Variants in ALK observed in about 807,000 individuals in gnomAD.
ALK encodes the protein ALK receptor tyrosine kinase.
A neutral mutation model predicts 163.1 loss-of-function variants in ALK; 74 were observed. The ratio of observed to expected loss-of-function variants is 0.45; its 90% CI spans 0.38 to 0.55. The LOEUF (loss-of-function observed/expected upper bound fraction) is 0.55, where lower values mean the gene tolerates loss of function less well. ALK is among the 20% of genes least tolerant of loss of function. ALK has a pLI of 0.00. For missense variants in ALK, 2,063 were observed against 2,105.3 expected (o/e 0.98, Z 0.39); for synonymous variants, 960 against 843.2 (o/e 1.14, Z -2.40).
At chr2:29,350,816 C>T (rs1211342541) in intron 5 of ALK, among the ~76,000 whole-genome samples, 1 of 152,168 alleles carries the variant, frequency 6.6e-6, no homozygotes, top group Non-Finnish European at 1.5e-5. Context: ...GCAACTTGTC[C>T]AAGGTTGCAG....
At chr2:29,837,570 C>T (rs927240176) in intron 1 of ALK, among the ~76,000 whole-genome samples, 1 of 152,124 alleles carries the variant, frequency 6.6e-6, no homozygotes, top group Non-Finnish European at 1.5e-5. Context: ...GGAGAATCCT[C>T]GATAAATTCA....
At chr2:29,798,086 G>T (rs1664368654) in intron 1 of ALK, among the ~76,000 whole-genome samples, 1 of 152,150 alleles carries the variant, frequency 6.6e-6, no homozygotes, top group Non-Finnish European at 1.5e-5. Flanking sequence ...ATCCCAGAGG[G>T]CAAAGCCTAG....
chr2:29,287,838 TGAATGATCAGGTGGAAGGCCACCCA>T (rs1665900652), intron 9 of ALK, among the ~76,000 whole-genome samples: 1 of 151,952 alleles, frequency 6.6e-6, no homozygotes, highest in African/African-American at 2.4e-5. Context: ...CCTGGATCCC[TGAATGATCAGGTGGAAGGCCACCCA>T]CCAACCAGCA....
At chr2:29,339,852 A>T (rs1478513773) in intron 5 of ALK, among the ~76,000 whole-genome samples, 1 of 152,196 alleles carries the variant, frequency 6.6e-6, no homozygotes, top group African/African-American at 2.4e-5. Context: ...CAACTTCCAA[A>T]TCCTAGGACA....
At chr2:29,290,542 G>A (rs899079579) in intron 9 of ALK, among the ~76,000 whole-genome samples, 3 of 152,172 alleles carry the variant, frequency 2.0e-5, no homozygotes, top group African/African-American at 7.2e-5. Flanking sequence ...AGATGTGGGG[G>A]GCACCCCTGG....
At chr2:29,909,365 A>G (rs1022335666) in intron 1 of ALK, among the ~76,000 whole-genome samples, 19 of 152,166 alleles carry the variant, frequency 1.2e-4, no homozygotes, top group African/African-American at 4.6e-4. Flanking sequence ...GGCCTCAGTG[A>G]CTTGAGGTCA....
intron 3 of ALK, among the ~76,000 whole-genome samples, chr2:29,541,981 C>T (rs1382298642): frequency 6.6e-6 from 1 of 152,198 alleles, no homozygotes; most frequent in Non-Finnish European, 1.5e-5. Context: ...TTTGGCCATA[C>T]TCCAAGTCCC....
chr2:29,523,058 A>G (rs1672855934), intron 4 of ALK, among the ~76,000 whole-genome samples: 1 of 152,088 alleles, frequency 6.6e-6, no homozygotes, highest in Non-Finnish European at 1.5e-5. Flanking sequence ...TTCTTGCTAC[A>G]TAAGCCAGTG....
chr2:29,910,245 C>A (rs1299078163), intron 1 of ALK, among the ~76,000 whole-genome samples: 1 of 151,930 alleles, frequency 6.6e-6, no homozygotes, highest in East Asian at 1.9e-4. Context: ...ATTACATGGG[C>A]TGGTTTATTA....
intron 1 of ALK, among the ~76,000 whole-genome samples, chr2:29,789,783 C>G (rs1353039316): frequency 2.0e-5 from 3 of 152,108 alleles, no homozygotes; most frequent in Non-Finnish European, 4.4e-5. Context: ...CCAGAGACTG[C>G]GATTACATTG....
intron 9 of ALK, among the ~76,000 whole-genome samples, chr2:29,287,199 A>G (rs13027048): frequency 0.12 from 17,557 of 152,244 alleles, 1,091 homozygotes; most frequent in African/African-American, 0.16. Context: ...TACTAAATTC[A>G]GAGGAGTCTT....
At chr2:29,389,569 G>A (rs1244127629) in intron 4 of ALK, among the ~76,000 whole-genome samples, 1 of 152,144 alleles carries the variant, frequency 6.6e-6, no homozygotes, top group Non-Finnish European at 1.5e-5. Context: ...TTCATCACAT[G>A]TCTCCAATGC....
At chr2:29,557,022 TAAAG>T (rs1673880800) in intron 3 of ALK, among the ~76,000 whole-genome samples, 1 of 152,226 alleles carries the variant, frequency 6.6e-6, no homozygotes, top group African/African-American at 2.4e-5. Context: ...CAATGTTTCT[TAAAG>T]AAAGTGGTCT....
chr2:29,318,052 G>C (rs866835372), intron 8 of ALK, among the ~76,000 whole-genome samples: 10 of 152,338 alleles, frequency 6.6e-5, no homozygotes, highest in South Asian at 2.1e-4. Flanking sequence ...TTCTGGGTTT[G>C]ATTAAATCAT....
At chr2:29,683,447 C>A (rs1296179839) in intron 3 of ALK, among the ~76,000 whole-genome samples, 1 of 151,902 alleles carries the variant, frequency 6.6e-6, no homozygotes, top group African/African-American at 2.4e-5. Context: ...GTAAGGATCC[C>A]AAAGCAAGAT....
chr2:29,215,561 C>A (rs575138616), intron 23 of ALK, among the ~76,000 whole-genome samples: 1 of 152,152 alleles, frequency 6.6e-6, no homozygotes, highest in Non-Finnish European at 1.5e-5. Context: ...CTGACTCACC[C>A]CAGGTCACAC....
At chr2:29,640,926 T>A (rs954485283) in intron 3 of ALK, among the ~76,000 whole-genome samples, 1 of 151,814 alleles carries the variant, frequency 6.6e-6, no homozygotes, top group African/African-American at 2.4e-5. Flanking sequence ...AAGAGTATTA[T>A]GAATAGAAAG....
chr2:29,496,072 T>A (rs1672014147), intron 4 of ALK, among the ~76,000 whole-genome samples: 1 of 152,150 alleles, frequency 6.6e-6, no homozygotes, highest in Non-Finnish European at 1.5e-5. Flanking sequence ...CCATGTCAGT[T>A]CTCTGCTCAG....
chr2:29,581,129 C>T (rs1420475687), intron 3 of ALK, among the ~76,000 whole-genome samples: 1 of 152,200 alleles, frequency 6.6e-6, no homozygotes, highest in Non-Finnish European at 1.5e-5. Flanking sequence ...GTGGCTCATG[C>T]CTATAATCCC....
Sources: allele counts gnomAD v4.1 joint callset (sites outside exome capture counted in the v4.1 genomes callset), GRCh38; gene constraint gnomAD v4.1.1; transcripts MANE v1.5; gene names NCBI Gene and HGNC (gene_info 2026-07-23, HGNC 2026-07-21).